The following PACSIN2 variants were observed in gnomAD, a reference collection of about 807,000 sequenced individuals.
The protein encoded by PACSIN2 is protein kinase C and casein kinase substrate in neurons 2.
PACSIN2 carries 25 observed loss-of-function variants against 63.8 expected under a neutral mutation model. That is an observed-to-expected ratio of 0.39 (90% CI 0.29 to 0.55). The LOEUF (loss-of-function observed/expected upper bound fraction) is 0.55, where lower values mean the gene tolerates loss of function less well. Among genes scored for constraint, PACSIN2 ranks in the 20% least tolerant of loss-of-function variants. The pLI, the probability that PACSIN2 is intolerant of heterozygous loss-of-function variation, is 0.62. For synonymous variants in PACSIN2, 255 were observed against 256.2 expected (o/e 1.00, Z 0.05); for missense variants, 518 against 646.9 (o/e 0.80, Z 2.16).
intron 1 of PACSIN2, among the ~76,000 whole-genome samples, chr22:42,959,095 C>T (rs1282119901): frequency 2.0e-5 from 3 of 152,090 alleles, no homozygotes; most frequent in African/African-American, 7.3e-5. Flanking sequence ...CAGGGTCCAG[C>T]TGGGATGAGA....
chr22:43,010,763 A>C (rs1463250634), intron 1 of PACSIN2, among the ~76,000 whole-genome samples: 1 of 152,222 alleles, frequency 6.6e-6, no homozygotes, highest in Admixed American at 6.5e-5. Context: ...AAAAGACCTT[A>C]TTCTAGGAAA....
rs758746617 is a variant in PACSIN2, at chr22:42,879,101, G to A, written c.975C>T (p.Thr325=). The A allele has an allele frequency of 1.2e-6, 2 of 1,614,168 alleles. No homozygotes were observed. Among genetic ancestry groups the A allele is most frequent in the South Asian group, 1.1e-5 (1 of 91,086 alleles). Residue 325 remains threonine (T), a synonymous_variant, in exon 8 of 11, where the codon ACC becomes ACT. Transcript: ENST00000263246. ...REKKKATDGV[T]LTGINQTGDQ... ...CGCCTGTCTGGTTGATGCCCGTCAG[G>A]GTGACGCCGTCAGTGGCCTTCTTCT... is the stretch of plus-strand genomic sequence containing the variant.
At chr22:42,948,485 C>T (rs934773947) in intron 1 of PACSIN2, among the ~76,000 whole-genome samples, 2 of 152,152 alleles carry the variant, frequency 1.3e-5, no homozygotes, top group Non-Finnish European at 2.9e-5. Context: ...AAAAGCCACA[C>T]GAGCTGGGTG....
chr22:43,005,424 T>A (rs1045368263), intron 1 of PACSIN2, among the ~76,000 whole-genome samples: 1 of 152,120 alleles, frequency 6.6e-6, no homozygotes, highest in Non-Finnish European at 1.5e-5. Flanking sequence ...ATGACCATCA[T>A]CAGGCCCTTA....
At chr22:43,004,973 C>T (rs1042158227) in intron 1 of PACSIN2, among the ~76,000 whole-genome samples, 4 of 152,240 alleles carry the variant, frequency 2.6e-5, no homozygotes, top group Admixed American at 6.5e-5. Context: ...CTATGGAAAG[C>T]TTCTTGGTAA....
chr22:42,915,585 A>C (rs530715808), intron 1 of PACSIN2, among the ~76,000 whole-genome samples: 2 of 152,316 alleles, frequency 1.3e-5, no homozygotes, highest in East Asian at 3.9e-4. Context: ...TGCATTACTT[A>C]AGAGTTCATC....
chr22:42,903,916 A>G (rs1930878886), intron 2 of PACSIN2, among the ~76,000 whole-genome samples: 1 of 152,202 alleles, frequency 6.6e-6, no homozygotes. Context: ...ACGAAGGTGA[A>G]GAAAATGGAG....
At chr22:42,880,115 T>G (rs1354484284) in intron 7 of PACSIN2, among the ~76,000 whole-genome samples, 2 of 152,180 alleles carry the variant, frequency 1.3e-5, no homozygotes, top group Admixed American at 1.3e-4. Flanking sequence ...ACCAGACAAC[T>G]CTGATTAAAA....
In PACSIN2 at chr22:42,989,855, G is replaced by C. The variant is rs533660254; in HGVS notation, c.-78+25166C>G. ...AGAAAAGAAAACTCATTCTCTTGGAGGGGGAAAAAAAAATATATATATATA... is the reference window on the plus strand; with the variant it reads ...AGAAAAGAAAACTCATTCTCTTGGACGGGGAAAAAAAAATATATATATATA... On this transcript the variant is annotated intron_variant, in intron 1 of 10. Coordinates refer to ENST00000263246, the MANE Select transcript of PACSIN2 (RefSeq NM_001184970.3). 3.6e-5 allele frequency among the ~76,000 whole-genome samples: 4 copies of C among 110,492 alleles called. No individual in the cohort carries two copies. In the South Asian group the frequency reaches 8.2e-4, roughly 23 times the overall value. The allele number at this position is 110,492 out of a possible 152,430, so 72.5% of individuals were successfully genotyped here. A position where few individuals can be genotyped will look rare whatever the true frequency, so the allele number is the denominator to read the frequency against.
intron 1 of PACSIN2, among the ~76,000 whole-genome samples, chr22:42,987,495 CAT>C (rs1410721461): frequency 2.9e-4 from 11 of 37,478 alleles, no homozygotes; most frequent in Non-Finnish European, 4.6e-4. Context: ...CACACACACC[CAT>C]GGCACCATGT....
Position 42,904,206 on chromosome 22 carries a change from C to T in PACSIN2, c.60+7815G>A, listed in dbSNP as rs77178313. On this transcript the variant is annotated intron_variant, in intron 2 of 10. Coordinates refer to ENST00000263246, the MANE Select transcript of PACSIN2 (RefSeq NM_001184970.3). ...AAGGCCGTCGGCCAGGCTCCCCATG[C>T]TCTGCTCCCTTGGTGCGTGTTACAC... Among the ~76,000 whole-genome samples, 456 of 152,356 alleles carry T rather than the reference C, an allele frequency of 3.0e-3. 5 individuals carry two copies. Among genetic ancestry groups the T allele is most frequent in the African/African-American group, 0.011 (446 of 41,584 alleles).
intron 1 of PACSIN2, among the ~76,000 whole-genome samples, chr22:43,001,008 A>G (rs1325965803): frequency 1.3e-5 from 2 of 152,206 alleles, no homozygotes; most frequent in Admixed American, 1.3e-4. Context: ...TTGAAGGGAG[A>G]GCACAAGCAG....
intron 1 of PACSIN2, among the ~76,000 whole-genome samples, chr22:42,940,081 C>T (rs1933083474): frequency 6.6e-6 from 1 of 152,210 alleles, no homozygotes; most frequent in Non-Finnish European, 1.5e-5. Context: ...AGGGAAGCTC[C>T]TCCGAAGGCT....
chr22:42,971,138 C>A (rs1358391063), intron 1 of PACSIN2, among the ~76,000 whole-genome samples: 1 of 152,370 alleles, frequency 6.6e-6, no homozygotes, highest in Non-Finnish European at 1.5e-5. Context: ...GATGCCGAGC[C>A]AAAGCTGGAC....
intron 1 of PACSIN2, among the ~76,000 whole-genome samples, chr22:42,977,487 T>G (rs565211673): frequency 4.6e-5 from 7 of 152,306 alleles, no homozygotes; most frequent in African/African-American, 1.7e-4. Flanking sequence ...AACAGAATGG[T>G]GAAAAACAGT....
intron 9 of PACSIN2, among the ~76,000 whole-genome samples, 178 bp downstream of exon 9, chr22:42,876,710 G>A (rs556960615): frequency 1.4e-4 from 21 of 152,346 alleles, no homozygotes; most frequent in African/African-American, 4.8e-4. Flanking sequence ...AGGAATGGGG[G>A]TGCCAGAGAG....
At chr22:42,959,576 ACATCTTCTCCAAGCACCCTGGATAAAG>A (rs1934052797) in intron 1 of PACSIN2, 1 of 152,250 alleles carries the variant, frequency 6.6e-6, no homozygotes, top group Non-Finnish European at 1.5e-5. Context: ...ACTTACTCTG[ACATCTTCTCCAAGCACCCTGGATAAAG>A]CATTCTGCAT....
chr22:42,949,821 T>A (rs1933600823), intron 1 of PACSIN2, among the ~76,000 whole-genome samples: 1 of 152,248 alleles, frequency 6.6e-6, no homozygotes, highest in Admixed American at 6.5e-5. Flanking sequence ...CAATAAAATG[T>A]TTAATTTATT....
intron 1 of PACSIN2, among the ~76,000 whole-genome samples, chr22:42,959,250 C>T (rs4140554): frequency 0.61 from 92,440 of 151,958 alleles, 28,740 homozygotes; most frequent in East Asian, 0.78. Flanking sequence ...TCTCTCAAGT[C>T]CCACTTATGT....
Sources: allele counts gnomAD v4.1 joint callset (sites outside exome capture counted in the v4.1 genomes callset), GRCh38; gene constraint gnomAD v4.1.1; transcripts MANE v1.5; gene names NCBI Gene and HGNC (gene_info 2026-07-23, HGNC 2026-07-21).